Variants in DYNLT2 observed in about 807,000 individuals in gnomAD.
DYNLT2 encodes dynein light chain Tctex-type protein 2.
DYNLT2 carries 24 observed loss-of-function variants against 24.3 expected under a neutral mutation model. The ratio of observed to expected loss-of-function variants is 0.99; its 90% CI spans 0.71 to 1.39. The LOEUF (loss-of-function observed/expected upper bound fraction) is 1.39. Ranked by LOEUF, DYNLT2 falls within the 40% of genes most tolerant of loss-of-function variation. DYNLT2 has a pLI of 0.00. For missense variants in DYNLT2, 246 were observed against 234.5 expected (o/e 1.05, Z -0.32); for synonymous variants, 85 against 85.4 (o/e 1.00, Z 0.03).
At chr6:169,744,316 A>T (rs764363900) in intron 1 of DYNLT2, 42 bp from the exon 2 acceptor site, 10 of 1,544,692 alleles carry the variant, frequency 6.5e-6, no homozygotes, top group Non-Finnish European at 8.9e-6. Flanking sequence ...AGGCAGAAAG[A>T]TTACTTTTTA....
intron 1 of DYNLT2, among the ~76,000 whole-genome samples, chr6:169,747,505 C>G (rs551927681): frequency 6.6e-6 from 1 of 152,222 alleles, no homozygotes; most frequent in Non-Finnish European, 1.5e-5. Context: ...AGCATCCCCC[C>G]CAATTTCCAC....
chr6:169,741,852 C>T (rs1162947982), intron 3 of DYNLT2, among the ~76,000 whole-genome samples: 1 of 152,160 alleles, frequency 6.6e-6, no homozygotes, highest in African/African-American at 2.4e-5. Context: ...CACTTATCAT[C>T]TACAACGTCC....
the DYNLT2 span, among the ~76,000 whole-genome samples, chr6:169,727,762 A>C: frequency 1.3e-5 from 2 of 152,076 alleles, no homozygotes; most frequent in Non-Finnish European, 2.9e-5. Context: ...ACGGAGTTTC[A>C]CCATGTTAGC....
intron 1 of DYNLT2, among the ~76,000 whole-genome samples, chr6:169,746,903 G>A (rs914981101): frequency 6.6e-6 from 1 of 150,648 alleles, no homozygotes; most frequent in Admixed American, 6.6e-5. Context: ...ACACAGGATG[G>A]CTAAGGAGGG....
At chr6:169,725,149 C>T in the DYNLT2 span, 3 of 398,708 alleles carry the variant, frequency 7.5e-6, no homozygotes, top group Non-Finnish European at 1.3e-5. Context: ...TAGGACCGCA[C>T]TAAAAACAGC....
Position 169,751,320 on chromosome 6 carries a change from T to TA in DYNLT2, c.120+18dup. On this transcript the variant is annotated intron_variant, in intron 1 of 3. Coordinates refer to ENST00000366774, the MANE Select transcript of DYNLT2 (RefSeq NM_174910.3). ...GTCGGACATAGCCGTCTCGGGCCCC[T>TA]AGCAGTCTCCGCACTCACTGCCTCC... The TA allele has an allele frequency of 6.2e-7, 1 of 1,610,720 alleles. No homozygotes were observed. Among genetic ancestry groups the TA allele is most frequent in the Non-Finnish European group, 8.5e-7 (1 of 1,178,312 alleles).
At position 169,744,129 on chromosome 6, in the gene DYNLT2, A is replaced by G; in HGVS notation, c.266T>C (p.Met89Thr). The change falls in exon 2 of 4, where the codon ATG (methionine) becomes ACG (threonine). Residue 89 changes from methionine to threonine, a missense_variant. Transcript: ENST00000366774. The stretch of plus-strand genomic sequence containing the variant: ...AGCTTGGAATTTCTTCAATGGCTCC[A>G]TTCTATATGAATTAGCAAACTTTAA... ...AKLKFANSYR[M>T]EPLKKFQAHS... The G allele has an allele frequency of 6.2e-7, 1 of 1,613,208 alleles. No homozygotes were observed. The highest frequency in any genetic ancestry group is 8.5e-7 in the Non-Finnish European group (1 of 1,179,978).
chr6:169,751,152 G>T, intron 1 of DYNLT2, 187 bp downstream of exon 1: 1 of 854,772 alleles, frequency 1.2e-6, no homozygotes, highest in Non-Finnish European at 1.8e-6. Context: ...TAGCACTCAA[G>T]TCCAAAGGGG....
chr6:169,725,643 T>TTA, the DYNLT2 span: 1 of 230,676 alleles, frequency 4.3e-6, no homozygotes, highest in East Asian at 8.3e-5. Context: ...GTTTTTTTTT[T>TTA]AAGAAAAAAA....
At chr6:169,747,331 AT>A (rs1320844218) in intron 1 of DYNLT2, among the ~76,000 whole-genome samples, 1 of 151,886 alleles carries the variant, frequency 6.6e-6, no homozygotes, top group African/African-American at 2.4e-5. Flanking sequence ...AGCCTCTTAG[AT>A]TTGTGGGTTT....
At chr6:169,734,096 G>T in the DYNLT2 span, among the ~76,000 whole-genome samples, 4 of 152,122 alleles carry the variant, frequency 2.6e-5, no homozygotes, top group Non-Finnish European at 5.9e-5. Flanking sequence ...CCTATTGTTG[G>T]TGTAAAGGAA....
At chr6:169,747,724 C>T (rs1389914147) in intron 1 of DYNLT2, among the ~76,000 whole-genome samples, 1 of 149,956 alleles carries the variant, frequency 6.7e-6, no homozygotes, top group African/African-American at 2.5e-5. Flanking sequence ...CTCTTAACTA[C>T]TTTAATGTCT....
At chr6:169,738,025 G>A (rs557224001), downstream of DYNLT2, among the ~76,000 whole-genome samples, 3 of 152,182 alleles carry the variant, frequency 2.0e-5, no homozygotes, top group Non-Finnish European at 4.4e-5. Context: ...TGGAGATCCT[G>A]CAGGAAAGCC....
chr6:169,739,649 T>C (rs1789633375), downstream of DYNLT2, among the ~76,000 whole-genome samples: 1 of 152,220 alleles, frequency 6.6e-6, no homozygotes. Context: ...AATAGATTAG[T>C]AAATTGACTA....
chr6:169,749,158 G>A (rs905593940), intron 1 of DYNLT2, among the ~76,000 whole-genome samples: 10 of 152,222 alleles, frequency 6.6e-5, no homozygotes. Flanking sequence ...GGAGTGCAGT[G>A]GCATGATCTC....
chr6:169,727,479 C>T, the DYNLT2 span, among the ~76,000 whole-genome samples: 1 of 152,256 alleles, frequency 6.6e-6, no homozygotes, highest in East Asian at 1.9e-4. Flanking sequence ...AGACAGGAAG[C>T]AGAATCCACC....
chr6:169,740,019 A>G, downstream of DYNLT2: 1 of 565,990 alleles, frequency 1.8e-6, no homozygotes, highest in Admixed American at 3.2e-5. Context: ...GTAAGTATAA[A>G]TATAAAAATC....
At chr6:169,739,593 A>G (rs927168577), downstream of DYNLT2, among the ~76,000 whole-genome samples, 1 of 152,176 alleles carries the variant, frequency 6.6e-6, no homozygotes, top group Non-Finnish European at 1.5e-5. Context: ...CAGTTCTTGC[A>G]TCTGAAAAAA....
chr6:169,751,060 A>C, intron 1 of DYNLT2: 1 of 361,522 alleles, frequency 2.8e-6, no homozygotes, highest in South Asian at 5.5e-5. Flanking sequence ...AGCTGAGTAA[A>C]TTTGAAAAGA....
Sources: gnomAD v4.1 joint callset for allele counts (sites outside exome capture counted in the v4.1 genomes callset) on GRCh38, gnomAD v4.1.1 for gene constraint, MANE v1.5 for transcripts, NCBI Gene and HGNC (gene_info 2026-07-23, HGNC 2026-07-21) for gene names.